MAP7D3: variants seen among roughly 807,000 people sequenced by gnomAD.
The protein encoded by MAP7D3 is MAP7 domain-containing protein 3.
Under a neutral mutation model 62.2 loss-of-function variants are expected in MAP7D3, and 45 were observed. That is an observed-to-expected ratio of 0.72 (90% confidence interval 0.57 to 0.93). MAP7D3 has a LOEUF of 0.93. Among genes scored for constraint, MAP7D3 ranks in the 40% least tolerant of loss-of-function variants. The pLI is 0.00. For missense variants in MAP7D3, 711 were observed against 683.1 expected, an observed-to-expected ratio of 1.04 and a Z score of -0.45; for synonymous variants, 288 against 248.8, an observed-to-expected ratio of 1.16 and a Z score of -1.48.
chrX:136,251,983 G>T (rs2074518980), upstream of MAP7D3, among the ~76,000 whole-genome samples: 1 of 112,314 alleles, frequency 8.9e-6, no homozygotes, highest in African/African-American at 3.2e-5. Flanking sequence ...AAGAGAGGCA[G>T]AGGACTTATT....
chrX:136,252,733 G>A (rs1490195303), upstream of MAP7D3, among the ~76,000 whole-genome samples: 11 of 101,425 alleles, frequency 1.1e-4, no homozygotes, highest in African/African-American at 2.2e-4. Context: ...AAGACATTAC[G>A]TTGCACCTAC....
In MAP7D3 at chrX:136,217,095, T is replaced by C. The variant is rs1248116516; in HGVS notation, c.*1431A>G. 8.9e-6 allele frequency: 1 copy of C among 111,925 alleles called. No homozygotes were observed. The highest frequency in any genetic ancestry group is 3.2e-5 in the African/African-American group (1 of 30,930). The allele number at this position is 111,925 out of a possible 1,213,427, so 9.2% of individuals were successfully genotyped here. ...CAAGACTGGCAGCCAAAAGGAACAC[T>C]GGCCTGCTTCAGACTATTTACGATT... is the stretch of plus-strand genomic sequence containing the variant. On this transcript the variant is annotated 3_prime_UTR_variant, in exon 19 of 19. Coordinates refer to ENST00000316077, the MANE Select transcript of MAP7D3 (RefSeq NM_024597.4).
chrX:136,231,837 G>A lies in MAP7D3; in HGVS notation c.1120C>T (p.Leu374=). The A allele has an allele frequency of 8.3e-7, 1 of 1,211,681 alleles. No homozygotes were observed. The highest frequency in any genetic ancestry group is 1.1e-6 in the Non-Finnish European group (1 of 895,520). Residue 374 remains leucine (L), a synonymous_variant, in exon 8 of 19, where the codon CTG becomes TTG. Coordinates refer to ENST00000316077, the MANE Select transcript of MAP7D3 (RefSeq NM_024597.4). ...LSIEALPKVD[L]ETVPKVSIVA... The stretch of plus-strand genomic sequence containing the variant: ...ATGCTCACCTTGGGAACTGTTTCCA[G>A]GTCCACCTTCGGGAGTGCTTCTATG...
chrX:136,228,930 C>A (rs2074230369), intron 10 of MAP7D3, 172 bp from the exon 11 acceptor site: 1 of 297,993 alleles, frequency 3.4e-6, no homozygotes. Flanking sequence ...TCAAACTGCA[C>A]CCCCAACAAC....
At chrX:136,250,757 C>T (rs2074495469) in intron 1 of MAP7D3, among the ~76,000 whole-genome samples, 1 of 112,337 alleles carries the variant, frequency 8.9e-6, no homozygotes, top group East Asian at 2.8e-4. Context: ...CGCCTAAACT[C>T]GCCCACGACC....
chrX:136,219,783 C>A (rs1226359034), intron 16 of MAP7D3, 112 bp from the exon 17 acceptor site: 2 of 617,115 alleles, frequency 3.2e-6, no homozygotes, highest in South Asian at 2.2e-5. Context: ...AATTAAAAAA[C>A]ATTTCAGAAT....
At chrX:136,243,956 C>T (rs1385948792) in intron 4 of MAP7D3, among the ~76,000 whole-genome samples, 3 of 111,530 alleles carry the variant, frequency 2.7e-5, no homozygotes, top group African/African-American at 9.8e-5. Context: ...AACAAAGCCA[C>T]AGACTCATCC....
chrX:136,219,185 T>C (rs1019306652), intron 18 of MAP7D3, among the ~76,000 whole-genome samples: 7 of 112,062 alleles, frequency 6.2e-5, no homozygotes, highest in African/African-American at 1.3e-4. Flanking sequence ...TGAAATGTGG[T>C]ACATAAAAAT....
chrX:136,256,181 G>T (rs774406359), upstream of MAP7D3: 297 of 1,122,299 alleles, frequency 2.6e-4, no homozygotes, highest in Non-Finnish European at 3.1e-4. Context: ...ATCTGTTGTA[G>T]CTTGACTGTG....
intron 16 of MAP7D3, 93 bp downstream of exon 16, chrX:136,220,672 T>G: frequency 1.3e-6 from 1 of 750,275 alleles, no homozygotes. Context: ...TGGTACAAAC[T>G]AAGAGCACAA....
intron 7 of MAP7D3, among the ~76,000 whole-genome samples, chrX:136,235,124 T>C (rs1603280387): frequency 8.9e-6 from 1 of 112,284 alleles, no homozygotes; most frequent in East Asian, 2.8e-4. Context: ...ATGGAGGAAC[T>C]CACACTTGAG....
At chrX:136,219,845 T>C in intron 16 of MAP7D3, 174 bp from the exon 17 acceptor site, 1 of 508,752 alleles carries the variant, frequency 2.0e-6, no homozygotes, top group Non-Finnish European at 3.5e-6. Context: ...ACACACTGAT[T>C]TTCAAACTGT....
At chrX:136,245,971 T>C in intron 3 of MAP7D3, 94 bp downstream of exon 3, 1 of 572,261 alleles carries the variant, frequency 1.7e-6, no homozygotes, top group Non-Finnish European at 2.8e-6. Context: ...AATTATACTC[T>C]ATCATATAAA....
At chrX:136,250,394 T>C (rs1428322930) in intron 1 of MAP7D3, among the ~76,000 whole-genome samples, 1 of 111,543 alleles carries the variant, frequency 9.0e-6, no homozygotes, top group East Asian at 2.8e-4. Context: ...CTATCTCAGG[T>C]AGTGGAGCAG....
intron 10 of MAP7D3, among the ~76,000 whole-genome samples, chrX:136,229,234 C>T (rs919616438): frequency 5.5e-4 from 61 of 111,287 alleles, no homozygotes; most frequent in African/African-American, 1.9e-3. Context: ...TTTGGTTGAT[C>T]ATAGAGTAGC....
chrX:136,242,728 T>G (rs2074403091), intron 4 of MAP7D3, among the ~76,000 whole-genome samples: 1 of 109,712 alleles, frequency 9.1e-6, no homozygotes, highest in African/African-American at 3.3e-5. Flanking sequence ...CTTGTCTCTC[T>G]CCTCCATGGA....
intron 6 of MAP7D3, 57 bp downstream of exon 6, chrX:136,240,325 T>TA (rs750113243): frequency 1.4e-6 from 1 of 738,802 alleles, no homozygotes; most frequent in Admixed American, 2.3e-5. Flanking sequence ...TGTAAAAATA[T>TA]AAAGAACTGA....
chrX:136,222,335 A>T, intron 15 of MAP7D3, 58 bp downstream of exon 15: 2 of 941,021 alleles, frequency 2.1e-6, no homozygotes, highest in Non-Finnish European at 3.1e-6. Flanking sequence ...CACAGCTCAA[A>T]AGCAGAGGAG....
intron 6 of MAP7D3, among the ~76,000 whole-genome samples, chrX:136,237,458 C>T (rs935958727): frequency 1.8e-5 from 2 of 112,195 alleles, no homozygotes; most frequent in East Asian, 2.8e-4. Context: ...AAATGTTGAT[C>T]TCTCTGGATT....
Sources: gnomAD v4.1 joint callset for allele counts (sites outside exome capture counted in the v4.1 genomes callset) on GRCh38, gnomAD v4.1.1 for gene constraint, MANE v1.5 for transcripts, NCBI Gene and HGNC (gene_info 2026-07-23, HGNC 2026-07-21) for gene names.